NSMCE1: variants seen among roughly 807,000 people sequenced by gnomAD.
The protein encoded by NSMCE1 is non-structural maintenance of chromosomes element 1 homolog.
Under a neutral mutation model 29.6 loss-of-function variants are expected in NSMCE1, and 18 were observed. That is an observed-to-expected ratio of 0.61 (90% CI 0.42 to 0.90). The LOEUF (loss-of-function observed/expected upper bound fraction) is 0.90. Ranked by LOEUF, NSMCE1 falls within the 40% of genes least tolerant of loss-of-function variation. The pLI, the probability that NSMCE1 is intolerant of heterozygous loss-of-function variation, is 0.00. For synonymous variants in NSMCE1, 124 were observed against 133.4 expected (o/e 0.93, Z 0.49); for missense variants, 314 against 343.6 (o/e 0.91, Z 0.68).
intron 2 of NSMCE1, among the ~76,000 whole-genome samples, chr16:27,245,149 G>A (rs1003251738): frequency 1.3e-5 from 2 of 152,190 alleles, no homozygotes; most frequent in African/African-American, 4.8e-5. Flanking sequence ...TGTGCCAGGC[G>A]CTGAACATAC....
intron 2 of NSMCE1, among the ~76,000 whole-genome samples, chr16:27,240,157 G>A: frequency 6.6e-6 from 1 of 152,100 alleles, no homozygotes. Context: ...AGCCCCATGG[G>A]CTCCACAGAA....
intron 2 of NSMCE1, among the ~76,000 whole-genome samples, chr16:27,247,755 T>C (rs1315376818): frequency 1.3e-5 from 2 of 151,874 alleles, no homozygotes; most frequent in African/African-American, 4.8e-5. Context: ...TGAAACCCCA[T>C]CTCTACCAGA....
chr16:27,236,773 G>T (rs2083830644), intron 2 of NSMCE1, among the ~76,000 whole-genome samples: 1 of 152,128 alleles, frequency 6.6e-6, no homozygotes, highest in African/African-American at 2.4e-5. Flanking sequence ...CAGAACCAAT[G>T]AAACAGTCCC....
chr16:27,251,434 A>C (rs1346890577), intron 2 of NSMCE1, among the ~76,000 whole-genome samples: 1 of 152,056 alleles, frequency 6.6e-6, no homozygotes, highest in Non-Finnish European at 1.5e-5. Flanking sequence ...AAATATTAAT[A>C]CTAAATCAAC....
At chr16:27,243,234 T>C (rs1385899188) in intron 2 of NSMCE1, among the ~76,000 whole-genome samples, 1 of 152,192 alleles carries the variant, frequency 6.6e-6, no homozygotes, top group Non-Finnish European at 1.5e-5. Flanking sequence ...GTAAGTTATA[T>C]ACCACTGACC....
At chr16:27,226,108 C>A in intron 6 of NSMCE1, 1 of 357,210 alleles carries the variant, frequency 2.8e-6, no homozygotes, top group Non-Finnish European at 5.2e-6. Context: ...CTCCTGCACT[C>A]AGATCCTGCA....
intron 2 of NSMCE1, among the ~76,000 whole-genome samples, chr16:27,256,112 T>G (rs1007112387): frequency 3.9e-5 from 6 of 152,208 alleles, no homozygotes; most frequent in Non-Finnish European, 8.8e-5. Context: ...TTGCTCCCTG[T>G]GTACCTGTAC....
chr16:27,250,518 G>A (rs1182021953), intron 2 of NSMCE1, among the ~76,000 whole-genome samples: 2 of 151,148 alleles, frequency 1.3e-5, no homozygotes, highest in Admixed American at 6.6e-5. Context: ...AGGGCCAGGC[G>A]CGGTGGCTCA....
chr16:27,225,194 T>C lies in NSMCE1; in HGVS notation c.764A>G (p.Lys255Arg), dbSNP rs2083674573. ...PEKERESGVL[K>R]SNKKSLRSRQ... ...GGACCGCAGGGACTTTTTGTTCGAT[T>C]TCAAGACACCAGACTCCCTCTCCTT... The change falls in exon 8 of 8, where the codon AAA becomes AGA. Residue 255 changes from lysine (K) to arginine (R), a missense_variant. By Grantham distance (26) the Lys-to-Arg change is conservative (BLOSUM62 2). Coordinates refer to ENST00000361439, the MANE Select transcript of NSMCE1 (RefSeq NM_145080.4). The C allele has an allele frequency of 6.2e-7, 1 of 1,607,914 alleles. No individual in the cohort carries two copies.
chr16:27,255,296 C>T (rs1044909526), intron 2 of NSMCE1, among the ~76,000 whole-genome samples: 1 of 152,210 alleles, frequency 6.6e-6, no homozygotes, highest in Non-Finnish European at 1.5e-5. Flanking sequence ...GGCGCATCTA[C>T]CTTCACCACG....
At chr16:27,246,041 C>T (rs543289134) in intron 2 of NSMCE1, among the ~76,000 whole-genome samples, 1 of 152,134 alleles carries the variant, frequency 6.6e-6, no homozygotes, top group African/African-American at 2.4e-5. Flanking sequence ...AGGAGTCCAG[C>T]GTGAGACGAC....
chr16:27,250,638 C>T (rs1422083764), intron 2 of NSMCE1, among the ~76,000 whole-genome samples: 1 of 151,410 alleles, frequency 6.6e-6, no homozygotes, highest in African/African-American at 2.4e-5. Flanking sequence ...CTAAAAATAA[C>T]AAAAATTCGT....
chr16:27,267,343 C>T (rs1400089540), intron 1 of NSMCE1, among the ~76,000 whole-genome samples: 1 of 152,116 alleles, frequency 6.6e-6, no homozygotes, highest in African/African-American at 2.4e-5. Context: ...TTCACATGCC[C>T]GACCTCATTT....
At chr16:27,239,430 C>T (rs1045974000) in intron 2 of NSMCE1, among the ~76,000 whole-genome samples, 4 of 152,162 alleles carry the variant, frequency 2.6e-5, no homozygotes, top group Admixed American at 6.5e-5. Flanking sequence ...CAATATTCTA[C>T]GAGCCCATGG....
At chr16:27,244,695 C>G (rs1020609857) in intron 2 of NSMCE1, among the ~76,000 whole-genome samples, 7 of 152,244 alleles carry the variant, frequency 4.6e-5, no homozygotes, top group Non-Finnish European at 7.3e-5. Context: ...AAAGCCACAC[C>G]CCAGGCCCGC....
chr16:27,225,080 A>G lies in NSMCE1; in HGVS notation c.*77T>C. ...AGGTGACTCGCGTGGAACCTGAAAC[A>G]CGGACGCCTTTCTTCCAAGAAGGGC... is the stretch of plus-strand genomic sequence containing the variant. On this transcript the variant is annotated 3_prime_UTR_variant, in exon 8 of 8. Coordinates refer to ENST00000361439, the MANE Select transcript of NSMCE1 (RefSeq NM_145080.4). 1 of 807,388 alleles carries G rather than the reference A, an allele frequency of 1.2e-6. No homozygotes were observed. Among genetic ancestry groups the G allele is most frequent in the South Asian group, 1.5e-5 (1 of 68,260 alleles). 50.0% of individuals were successfully genotyped at this position (807,388 alleles called of 1,614,324 possible). A position where few individuals can be genotyped will look rare whatever the true frequency, so the allele number is the denominator to read the frequency against.
At position 27,232,735 on chromosome 16, in the gene NSMCE1, G is replaced by A. The variant is rs1487730667; in HGVS notation, c.483+266C>T. On this transcript the variant is annotated intron_variant, in intron 5 of 7. Coordinates refer to ENST00000361439, the MANE Select transcript of NSMCE1 (RefSeq NM_145080.4). This position sits in a 1 kb window ranked among gnomAD's most constrained non-coding sequence, Gnocchi z 4.5. ...TGTGGGCTAGAGCCTTGATCCTGGGGCCCAAGTCCCTGGGCGCGGCTCCTG... is the reference window on the plus strand; with the variant it reads ...TGTGGGCTAGAGCCTTGATCCTGGGACCCAAGTCCCTGGGCGCGGCTCCTG... 6.6e-6 allele frequency among the ~76,000 whole-genome samples: 1 copy of A among 152,240 alleles called. No individual in the cohort carries two copies. The highest frequency in any genetic ancestry group is 1.9e-4 in the East Asian group (1 of 5,198).
At chr16:27,249,005 T>A (rs775263636) in intron 2 of NSMCE1, among the ~76,000 whole-genome samples, 4 of 152,112 alleles carry the variant, frequency 2.6e-5, no homozygotes, top group Non-Finnish European at 5.9e-5. Flanking sequence ...ATTTTTGTAT[T>A]TTTTTGTAGA....
intron 2 of NSMCE1, 137 bp downstream of exon 2, chr16:27,257,298 C>A: frequency 1.7e-6 from 1 of 597,962 alleles, no homozygotes. Flanking sequence ...AAAGATGGGC[C>A]CGTGTAAGAT....
Sources: gnomAD v4.1 joint callset for allele counts (sites outside exome capture counted in the v4.1 genomes callset) on GRCh38, gnomAD v4.1.1 for gene constraint, Gnocchi (gnomAD v3.1) non-coding constraint, MANE v1.5 for transcripts, NCBI Gene and HGNC (gene_info 2026-07-23, HGNC 2026-07-21) for gene names.